Variants in GTF2A1 observed in about 807,000 individuals in gnomAD.
GTF2A1 encodes transcription initiation factor IIA subunit 1.
A neutral mutation model predicts 54.1 loss-of-function variants in GTF2A1; 12 were observed. That is an observed-to-expected ratio of 0.22 (90% CI 0.14 to 0.36). GTF2A1 has a LOEUF of 0.36. Among genes scored for constraint, GTF2A1 ranks in the 10% least tolerant of loss-of-function variants. GTF2A1 has a pLI of 1.00. For missense variants in GTF2A1, 335 were observed against 442.2 expected (o/e 0.76, Z 2.17); for synonymous variants, 145 against 152.0 (o/e 0.95, Z 0.34).
At chr14:81,210,713 C>A (rs1893345186) in intron 2 of GTF2A1, among the ~76,000 whole-genome samples, 1 of 152,212 alleles carries the variant, frequency 6.6e-6, no homozygotes, top group East Asian at 1.9e-4. Context: ...CACCACCATG[C>A]CCAGCTAATT....
chr14:81,203,887 A>G lies in GTF2A1; in HGVS notation c.337+13T>C, dbSNP rs752491930. The G allele has an allele frequency of 1.8e-5, 29 of 1,599,588 alleles. No individual in the cohort carries two copies. The Middle Eastern group carries it at 5.0e-4, about 27-fold the overall frequency. ...TTTCCAAGTCATAAGTAGGAAAACAAGTCCAGTCTCACCTTGCTGTGATGC... is the reference window on the plus strand; with the variant it reads ...TTTCCAAGTCATAAGTAGGAAAACAGGTCCAGTCTCACCTTGCTGTGATGC... On this transcript the variant is annotated intron_variant, in intron 3 of 8. Coordinates refer to ENST00000553612, the MANE Select transcript of GTF2A1 (RefSeq NM_015859.4).
chr14:81,207,029 C>T (rs1893247316), intron 2 of GTF2A1, among the ~76,000 whole-genome samples: 1 of 152,174 alleles, frequency 6.6e-6, no homozygotes, highest in Non-Finnish European at 1.5e-5. Context: ...AAACACTGTT[C>T]TACACTGTTA....
intron 2 of GTF2A1, among the ~76,000 whole-genome samples, chr14:81,212,725 C>T (rs2140040280): frequency 6.6e-6 from 1 of 152,284 alleles, no homozygotes; most frequent in East Asian, 1.9e-4. Flanking sequence ...AATGTCTAAA[C>T]CTGAGCAGTC....
chr14:81,189,181 A>G (rs1237435220), intron 7 of GTF2A1, among the ~76,000 whole-genome samples: 1 of 152,238 alleles, frequency 6.6e-6, no homozygotes, highest in African/African-American at 2.4e-5. Flanking sequence ...CATGGTTAAA[A>G]AAAATTTACT....
rs191574126 is a variant in GTF2A1 at position 81,214,376 on chromosome 14, T to G, written c.132+2037A>C. ...ATTACTGAGACCCGGCCGGGAGCGG[T>G]GGCTCATGTCTGTAATCCCAGCACT... On this transcript the variant is annotated intron_variant, in intron 2 of 8. Coordinates refer to ENST00000553612, the MANE Select transcript of GTF2A1 (RefSeq NM_015859.4). Among the ~76,000 whole-genome samples, 404 of 152,252 alleles carry G rather than the reference T, an allele frequency of 2.7e-3. 3 individuals are homozygous for G. Among genetic ancestry groups the G allele is most frequent in the African/African-American group, 8.9e-3 (371 of 41,536 alleles).
At position 81,185,558 on chromosome 14, in the gene GTF2A1, T is replaced by G. The variant is rs1438666622; in HGVS notation, c.996A>C (p.Glu332Asp). Reference protein sequence around the residue: ...DEEGQELFDTENVVVCQYDKI... With the variant: ...DEEGQELFDTDNVVVCQYDKI... ...TATCATATTGGCATACAACAACATT[T>G]TCTGTGTCAAAGAGTTCCTGTCCTT... Residue 332 changes from glutamate (E) to aspartate (D), a missense_variant, in exon 8 of 9, where the codon GAA becomes GAC. Glu to Asp is a conservative substitution (Grantham distance 45). This residue lies in a region of GTF2A1 where 29 missense variants were observed against 81.7 expected (regional missense o/e 0.35). Transcript: ENST00000553612. The G allele has an allele frequency of 1.3e-6, 2 of 1,589,668 alleles. No individual in the cohort carries two copies. The highest frequency in any genetic ancestry group is 2.2e-5 in the East Asian group (1 of 44,708).
chr14:81,186,776 C>A (rs1892756932), intron 7 of GTF2A1, among the ~76,000 whole-genome samples: 2 of 151,904 alleles, frequency 1.3e-5, no homozygotes, highest in Admixed American at 1.3e-4. Flanking sequence ...CAGTGAGATG[C>A]CACCTCTACA....
rs1024600838 is a variant in GTF2A1 at position 81,183,027 on chromosome 14, G to T, written c.1023+2504C>A. ...TCCCTGCTCTTTATTTTTCCATACC[G>T]ACTATCAGCTTCTAACATATAAATA... On this transcript the variant is annotated intron_variant, in intron 8 of 8. Transcript: ENST00000553612. Among the ~76,000 whole-genome samples the T allele has an allele frequency of 2.0e-5, 3 of 152,002 alleles. No individual in the cohort carries two copies. The East Asian group carries it at 5.8e-4, about 29-fold the overall frequency.
At chr14:81,190,019 T>C (rs1188861063) in intron 7 of GTF2A1, among the ~76,000 whole-genome samples, 1 of 151,566 alleles carries the variant, frequency 6.6e-6, no homozygotes, top group Non-Finnish European at 1.5e-5. Context: ...AAAAAAAAGA[T>C]GGCACAATAA....
At chr14:81,185,708 G>A in intron 7 of GTF2A1, 88 bp from the exon 8 acceptor site, 1 of 662,866 alleles carries the variant, frequency 1.5e-6, no homozygotes, top group Non-Finnish European at 2.6e-6. Flanking sequence ...TGTTCTTTGA[G>A]AACCAAATGC....
rs548245695 is a variant in GTF2A1, at chr14:81,218,519, A to G, written c.30+1970T>C. 6.6e-5 allele frequency among the ~76,000 whole-genome samples: 10 copies of G among 152,336 alleles called. 1 individual carries two copies. The East Asian group carries it at 1.9e-3, about 29-fold the overall frequency. ...ATGTGGGCACATAGGAGTATTTGAA[A>G]TAAGCAATTTCTAAATTATTGCTTA... On this transcript the variant is annotated intron_variant, in intron 1 of 8. Transcript: ENST00000553612.
Position 81,220,742 on chromosome 14 carries a change from A to G in GTF2A1, c.-224T>C, listed in dbSNP as rs1287998241. 3.4e-5 allele frequency: 13 copies of G among 387,924 alleles called. No homozygotes were observed. The East Asian group carries it at 4.9e-4, about 15-fold the overall frequency. The allele number at this position is 387,924 out of a possible 1,614,324, so 24.0% of individuals were successfully genotyped here. A position where few individuals can be genotyped will look rare whatever the true frequency, so the allele number is the denominator to read the frequency against. ...GAAAACCTCGAGAATCGCCTTAAAA[A>G]AAAAAAAAAAGCCACGACCCTTCAG... On this transcript the variant is annotated 5_prime_UTR_variant, in exon 1 of 9. Coordinates refer to ENST00000553612, the MANE Select transcript of GTF2A1 (RefSeq NM_015859.4).
chr14:81,186,597 G>A (rs1052849860), intron 7 of GTF2A1, among the ~76,000 whole-genome samples: 15 of 152,148 alleles, frequency 9.9e-5, no homozygotes, highest in Admixed American at 9.2e-4. Flanking sequence ...ATGTAACTGA[G>A]ATTTCTAATA....
At chr14:81,193,060 T>C (rs1477116021) in intron 6 of GTF2A1, among the ~76,000 whole-genome samples, 2 of 152,182 alleles carry the variant, frequency 1.3e-5, no homozygotes, top group African/African-American at 4.8e-5. Context: ...AGATAACTGC[T>C]TCATTTATTG....
chr14:81,195,588 C>T lies in GTF2A1; in HGVS notation c.612+520G>A, dbSNP rs142504495. On this transcript the variant is annotated intron_variant, in intron 6 of 8. Transcript: ENST00000553612. ...CAGAGGTTGCAGTGAGCTGAGATCGCGCCACTGCACTCCAGCCTGGGTGAA... is the reference window on the plus strand; with the variant it reads ...CAGAGGTTGCAGTGAGCTGAGATCGTGCCACTGCACTCCAGCCTGGGTGAA... Among the ~76,000 whole-genome samples, 32 of 144,926 alleles carry T rather than the reference C, an allele frequency of 2.2e-4. 1 individual carries two copies. The highest frequency in any genetic ancestry group is 1.6e-3 in the East Asian group (8 of 4,920).
At chr14:81,189,482 T>C (rs768292233) in intron 7 of GTF2A1, among the ~76,000 whole-genome samples, 12 of 152,016 alleles carry the variant, frequency 7.9e-5, no homozygotes, top group Non-Finnish European at 1.8e-4. Flanking sequence ...CCATCCTGGC[T>C]AACACAGCGA....
intron 7 of GTF2A1, 83 bp downstream of exon 7, chr14:81,192,435 AC>A (rs1368394436): frequency 3.9e-6 from 4 of 1,015,894 alleles, no homozygotes; most frequent in South Asian, 1.6e-5. Context: ...TCTGAAAAAA[AC>A]AGGATATAAT....
Position 81,176,063 on chromosome 14 carries a change from A to G in GTF2A1, c.*4160T>C, listed in dbSNP as rs549140834. The G allele has an allele frequency of 1.3e-5, 2 of 152,160 alleles. No homozygotes were observed. Among genetic ancestry groups the G allele is most frequent in the Non-Finnish European group, 2.9e-5 (2 of 68,008 alleles). 9.4% of individuals were successfully genotyped at this position (152,160 alleles called of 1,614,324 possible). The stretch of plus-strand genomic sequence containing the variant: ...AATGGAATTCTCATTAACAATGTAA[A>G]GCATTTTCCTTTCTAAATTGTATTT... On this transcript the variant is annotated 3_prime_UTR_variant, in exon 9 of 9. Transcript: ENST00000553612.
At position 81,219,898 on chromosome 14, in the gene GTF2A1, T is replaced by C. The variant is rs574568409; in HGVS notation, c.30+591A>G. ...GCCATTTTACCCATTCGGAAGGAAC[T>C]GAGATAAGTGCTTTTCAACCAACCT... On this transcript the variant is annotated intron_variant, in intron 1 of 8. Transcript: ENST00000553612. Among the ~76,000 whole-genome samples the C allele has an allele frequency of 4.6e-5, 7 of 152,282 alleles. No homozygotes were observed. In the East Asian group the frequency reaches 1.2e-3, roughly 25 times the overall value.
Sources: allele counts gnomAD v4.1 joint callset (sites outside exome capture counted in the v4.1 genomes callset), GRCh38; gene constraint gnomAD v4.1.1; regional missense constraint gnomAD v4.1.1; transcripts MANE v1.5; gene names NCBI Gene and HGNC (gene_info 2026-07-23, HGNC 2026-07-21).